PLA2G12B: variants seen among roughly 807,000 people sequenced by gnomAD.
PLA2G12B encodes phospholipase A2 group XIIB.
In PLA2G12B, 19 loss-of-function variants were observed where a neutral mutation model predicts 22.3. The ratio of observed to expected loss-of-function variants is 0.85; its 90% CI spans 0.60 to 1.25. The LOEUF is 1.25. Among genes scored for constraint, PLA2G12B ranks in the 50% most tolerant of loss-of-function variants. The probability of loss-of-function intolerance (pLI) is 0.00; values close to 1 mark genes in which losing one functional copy is unlikely to be tolerated. For missense variants in PLA2G12B, 191 were observed against 246.6 expected (o/e 0.77, Z 1.51); for synonymous variants, 81 against 94.9 (o/e 0.85, Z 0.85).
intron 1 of PLA2G12B, 143 bp downstream of exon 1, chr10:72,954,332 T>C: frequency 7.6e-6 from 7 of 920,168 alleles, no homozygotes; most frequent in South Asian, 6.3e-5. Flanking sequence ...CACATTTCAC[T>C]GGGTGTCCTA....
intron 1 of PLA2G12B, 68 bp downstream of exon 1, chr10:72,954,407 G>T: frequency 6.3e-7 from 1 of 1,593,262 alleles, no homozygotes; most frequent in Admixed American, 1.7e-5. Flanking sequence ...GACAGATCGT[G>T]ACCTCTCTGG....
At chr10:72,943,250 G>A (rs891120853) in intron 1 of PLA2G12B, among the ~76,000 whole-genome samples, 3 of 152,206 alleles carry the variant, frequency 2.0e-5, no homozygotes, top group Admixed American at 1.3e-4. Context: ...ACAGGCGTGA[G>A]CCACCACACC....
chr10:72,943,873 T>C (rs944023303), intron 1 of PLA2G12B, among the ~76,000 whole-genome samples: 1 of 152,230 alleles, frequency 6.6e-6, no homozygotes. Context: ...CTGCCTCTTT[T>C]TAGGAGATAC....
intron 1 of PLA2G12B, among the ~76,000 whole-genome samples, chr10:72,951,283 T>C (rs1253253818): frequency 6.6e-6 from 1 of 152,094 alleles, no homozygotes; most frequent in Non-Finnish European, 1.5e-5. Flanking sequence ...CCATGATTTT[T>C]CCATTACTAT....
chr10:72,945,229 G>A (rs1039869798), intron 1 of PLA2G12B, among the ~76,000 whole-genome samples: 7 of 152,144 alleles, frequency 4.6e-5, no homozygotes, highest in African/African-American at 1.7e-4. Flanking sequence ...AGTGGTCTGT[G>A]TGACCCAGAG....
intron 3 of PLA2G12B, among the ~76,000 whole-genome samples, chr10:72,937,310 C>T (rs1397562257): frequency 2.0e-5 from 3 of 152,252 alleles, no homozygotes; most frequent in Middle Eastern, 3.4e-3. Flanking sequence ...CGTAGAAAGA[C>T]GTGAACTGCT....
intron 1 of PLA2G12B, among the ~76,000 whole-genome samples, chr10:72,946,338 AT>A (rs925739846): frequency 2.0e-5 from 3 of 152,114 alleles, no homozygotes; most frequent in South Asian, 2.1e-4. Context: ...GACATACCAC[AT>A]TTTTTTACCC....
intron 1 of PLA2G12B, among the ~76,000 whole-genome samples, chr10:72,949,471 TCA>T (rs1195264439): frequency 1.3e-5 from 2 of 152,232 alleles, no homozygotes; most frequent in African/African-American, 2.4e-5. Flanking sequence ...GCCTATTTCT[TCA>T]CAGTTTGTAA....
At chr10:72,941,821 T>TGTGTGTGTGTGG (rs973237229) in intron 2 of PLA2G12B, among the ~76,000 whole-genome samples, 2 of 152,076 alleles carry the variant, frequency 1.3e-5, no homozygotes, top group African/African-American at 4.8e-5. Flanking sequence ...TGCGTGTGTG[T>TGTGTGTGTGTGG]GTGTGTGTGT....
At chr10:72,949,414 T>A (rs1186068439) in intron 1 of PLA2G12B, among the ~76,000 whole-genome samples, 1 of 152,218 alleles carries the variant, frequency 6.6e-6, no homozygotes, top group Non-Finnish European at 1.5e-5. Flanking sequence ...TTCTTTTCTG[T>A]TAATTGCCTA....
intron 1 of PLA2G12B, among the ~76,000 whole-genome samples, chr10:72,943,786 T>C (rs994295561): frequency 7.9e-5 from 12 of 152,134 alleles, no homozygotes; most frequent in Admixed American, 7.2e-4. Context: ...CCTACCATCA[T>C]AGAGAAAGTG....
chr10:72,935,448 C>G lies in PLA2G12B; in HGVS notation c.*169G>C. ...CACTCCATGTCTTTTTTCAAATTTC[C>G]TCAAAGGATAGGACTCACTTTCCAG... On this transcript the variant is annotated 3_prime_UTR_variant, in exon 4 of 4. Coordinates refer to ENST00000373032, the MANE Select transcript of PLA2G12B (RefSeq NM_032562.5). The G allele has an allele frequency of 1.0e-6, 1 of 1,000,944 alleles. No individual in the cohort carries two copies. Among genetic ancestry groups the G allele is most frequent in the East Asian group, 2.6e-5 (1 of 38,468 alleles). The allele number at this position is 1,000,944 out of a possible 1,614,324, so 62.0% of individuals were successfully genotyped here.
At chr10:72,951,806 C>T (rs561960174) in intron 1 of PLA2G12B, among the ~76,000 whole-genome samples, 2 of 152,212 alleles carry the variant, frequency 1.3e-5, no homozygotes, top group South Asian at 2.1e-4. Context: ...CATTGACACA[C>T]GCTGGATCTT....
intron 3 of PLA2G12B, among the ~76,000 whole-genome samples, chr10:72,937,016 C>T (rs2132960191): frequency 6.6e-6 from 1 of 152,246 alleles, no homozygotes; most frequent in East Asian, 1.9e-4. Context: ...ACAAGACCAT[C>T]CTGGCTAACA....
intron 1 of PLA2G12B, among the ~76,000 whole-genome samples, chr10:72,946,108 C>A (rs1846436427): frequency 6.6e-6 from 1 of 152,146 alleles, no homozygotes; most frequent in Admixed American, 6.6e-5. Context: ...AATTTTGGAA[C>A]ATTATAATCT....
At chr10:72,943,752 C>T (rs188193271) in intron 1 of PLA2G12B, among the ~76,000 whole-genome samples, 1 of 152,224 alleles carries the variant, frequency 6.6e-6, no homozygotes, top group African/African-American at 2.4e-5. Context: ...ATAAGAAACT[C>T]GGGCTAAGAG....
At chr10:72,939,432 AAAT>A (rs1846325773) in intron 3 of PLA2G12B, among the ~76,000 whole-genome samples, 1 of 152,116 alleles carries the variant, frequency 6.6e-6, no homozygotes, top group South Asian at 2.1e-4. Context: ...TAAAAATGAG[AAAT>A]AAGCGATCTT....
At chr10:72,940,531 G>T (rs1255242376) in intron 3 of PLA2G12B, among the ~76,000 whole-genome samples, 1 of 117,512 alleles carries the variant, frequency 8.5e-6, no homozygotes, top group Non-Finnish European at 1.5e-5. Flanking sequence ...AATCAGCTGG[G>T]CATGGCGGCG....
chr10:72,942,572 A>T (rs1846379864), intron 2 of PLA2G12B, 80 bp downstream of exon 2: 12 of 1,161,248 alleles, frequency 1.0e-5, no homozygotes, highest in Non-Finnish European at 1.3e-5. Flanking sequence ...TCCAGAAATA[A>T]TCACTTCCAT....
Sources: gnomAD v4.1 joint callset for allele counts (sites outside exome capture counted in the v4.1 genomes callset) on GRCh38, gnomAD v4.1.1 for gene constraint, MANE v1.5 for transcripts, NCBI Gene and HGNC (gene_info 2026-07-23, HGNC 2026-07-21) for gene names.